ZFAT: variants seen among roughly 807,000 people sequenced by gnomAD.
ZFAT encodes zinc finger protein ZFAT.
A neutral mutation model predicts 117.7 loss-of-function variants in ZFAT; 64 were observed. The observed-to-expected ratio is 0.54, with a 90% CI of 0.44 to 0.67. The LOEUF (loss-of-function observed/expected upper bound fraction) is 0.67. Ranked by LOEUF, ZFAT falls within the 30% of genes least tolerant of loss-of-function variation. The probability of loss-of-function intolerance (pLI) is 0.00; values close to 1 mark genes in which losing one functional copy is unlikely to be tolerated. For missense variants in ZFAT, 1,433 were observed against 1,584.5 expected (o/e 0.90, Z 1.62); for synonymous variants, 679 against 615.0 (o/e 1.10, Z -1.54).
the ZFAT span, among the ~76,000 whole-genome samples, chr8:134,772,212 C>T: frequency 6.6e-6 from 1 of 152,154 alleles, no homozygotes; most frequent in South Asian, 2.1e-4. Flanking sequence ...TCACTTAAAG[C>T]TAAAAGCTAT....
the ZFAT span, among the ~76,000 whole-genome samples, chr8:134,725,402 C>T: frequency 6.6e-6 from 1 of 152,114 alleles, no homozygotes; most frequent in African/African-American, 2.4e-5. Flanking sequence ...CTGGGGAAGC[C>T]TCAGGAAACT....
At chr8:134,719,480 A>G in the ZFAT span, among the ~76,000 whole-genome samples, 1 of 152,190 alleles carries the variant, frequency 6.6e-6, no homozygotes, top group Non-Finnish European at 1.5e-5. Context: ...GCCAACATAC[A>G]GGGTGCTGTT....
In ZFAT at chr8:134,601,624, G is replaced by C. The variant is rs1219471817; in HGVS notation, c.2095C>G (p.Pro699Ala). 1.2e-6 allele frequency: 2 copies of C among 1,614,244 alleles called. No homozygotes were observed. The highest frequency in any genetic ancestry group is 3.3e-5 in the Admixed American group (2 of 60,030). The change falls in exon 6 of 16, where the codon CCT (proline) becomes GCT (alanine). Residue 699 changes from proline to alanine, a missense_variant. Around this residue, in one of 5 missense-constraint regions of ZFAT, gnomAD observed 372 missense variants for 355.6 expected, o/e 1.05. Transcript: ENST00000377838. ...TCAGGGGCAGCTTTGCAAGAGTCAG[G>C]CTGATGTGTGATGGTGTCCCCACCA... ...AGGGDTITHQ[P>A]DSCKAAPEHR...
intron 1 of ZFAT, chr8:134,696,584 T>C (rs1833854424): frequency 4.1e-6 from 4 of 986,194 alleles, no homozygotes; most frequent in Non-Finnish European, 4.8e-6. Context: ...ATCCTAGTTA[T>C]CCCTGGCTGG....
intron 13 of ZFAT, among the ~76,000 whole-genome samples, chr8:134,516,829 C>T (rs554907766): frequency 2.0e-5 from 3 of 148,944 alleles, no homozygotes; most frequent in African/African-American, 4.8e-5. Context: ...CATGGCATGC[C>T]GGCCTGGGTA....
At chr8:134,525,071 A>G (rs1820927201) in intron 12 of ZFAT, among the ~76,000 whole-genome samples, 1 of 152,214 alleles carries the variant, frequency 6.6e-6, no homozygotes, top group African/African-American at 2.4e-5. Context: ...CCTTAACCCC[A>G]GCCTTTGCTA....
the ZFAT span, among the ~76,000 whole-genome samples, chr8:134,720,720 A>G: frequency 6.6e-6 from 1 of 152,248 alleles, no homozygotes; most frequent in African/African-American, 2.4e-5. Context: ...CCCGAAGGCA[A>G]ATACTCTGTT....
chr8:134,756,189 C>T, the ZFAT span, among the ~76,000 whole-genome samples: 26 of 152,338 alleles, frequency 1.7e-4, no homozygotes, highest in African/African-American at 5.8e-4. Flanking sequence ...GTGAGCTCTG[C>T]TCTAGACCTC....
At chr8:134,594,371 AG>A (rs761766226) in intron 7 of ZFAT, among the ~76,000 whole-genome samples, 8 of 152,214 alleles carry the variant, frequency 5.3e-5, no homozygotes, top group Admixed American at 2.0e-4. Context: ...TTTCCAGAAG[AG>A]GATTGAAAGT....
chr8:134,527,342 A>T (rs1333503037), intron 12 of ZFAT, among the ~76,000 whole-genome samples: 3 of 152,222 alleles, frequency 2.0e-5, no homozygotes, highest in Non-Finnish European at 2.9e-5. Flanking sequence ...ATCCACCACG[A>T]AGTGTGTGGT....
intron 3 of ZFAT, among the ~76,000 whole-genome samples, chr8:134,616,659 T>C (rs946585758): frequency 9.9e-5 from 15 of 152,218 alleles, no homozygotes; most frequent in Non-Finnish European, 2.1e-4. Context: ...AAAAATTCCA[T>C]AGCTGTCGAT....
At chr8:134,684,412 G>T (rs1468237038) in intron 1 of ZFAT, among the ~76,000 whole-genome samples, 1 of 152,192 alleles carries the variant, frequency 6.6e-6, no homozygotes, top group African/African-American at 2.4e-5. Context: ...CATCTTACAG[G>T]AGGAAGACTT....
intron 11 of ZFAT, among the ~76,000 whole-genome samples, chr8:134,547,826 C>A (rs1203063331): frequency 1.3e-5 from 2 of 152,250 alleles, no homozygotes; most frequent in Non-Finnish European, 2.9e-5. Context: ...CTCACTGCAT[C>A]TGGTGAGTGT....
Position 134,532,929 on chromosome 8 carries a change from C to CCGCTT in ZFAT, c.3019_3020insAAGCG (p.Gly1007GlufsTer5). 6.2e-7 allele frequency: 1 copy of CCGCTT among 1,609,026 alleles called. No homozygotes were observed. The highest frequency in any genetic ancestry group is 8.5e-7 in the Non-Finnish European group (1 of 1,177,740). On this transcript the variant is annotated frameshift_variant, in exon 12 of 16. Transcript: ENST00000377838. LOFTEE classifies it high-confidence loss of function. ...CCTGTTGTAGTGCCGCTTCAGAGAG[C>CCGCTT]CAGATATGTTGCAGGAGTAATGGCA... is the stretch of plus-strand genomic sequence containing the variant.
chr8:134,688,691 G>A (rs1833453682), intron 1 of ZFAT, among the ~76,000 whole-genome samples: 1 of 152,142 alleles, frequency 6.6e-6, no homozygotes, highest in South Asian at 2.1e-4. Flanking sequence ...GACAACACTC[G>A]TTCAGGGTCC....
At chr8:134,754,312 T>C in the ZFAT span, among the ~76,000 whole-genome samples, 1 of 152,174 alleles carries the variant, frequency 6.6e-6, no homozygotes. Flanking sequence ...AAGCAGATAT[T>C]TGGCAACAGT....
At chr8:134,590,422 A>G (rs2130874639) in intron 7 of ZFAT, 67 bp from the exon 8 acceptor site, 3 of 1,338,956 alleles carry the variant, frequency 2.2e-6, no homozygotes, top group Non-Finnish European at 3.2e-6. Context: ...AAAAATAACC[A>G]TCATCATCAC....
rs77623469 is a variant in ZFAT at position 134,497,168 on chromosome 8, C to T, written c.3492+12451G>A. ...GCACCTTGCTGTCAGGCCTGGTGGG[C>T]GATGGAGAGCTTCTATTCTAAGTTT... On this transcript the variant is annotated intron_variant, in intron 15 of 15. Transcript: ENST00000377838. 5.9e-3 allele frequency among the ~76,000 whole-genome samples: 897 copies of T among 151,938 alleles called. 6 individuals carry two copies. Among genetic ancestry groups the T allele is most frequent in the African/African-American group, 0.021 (864 of 41,440 alleles).
the ZFAT span, among the ~76,000 whole-genome samples, chr8:134,779,427 C>A: frequency 6.6e-6 from 1 of 151,684 alleles, no homozygotes; most frequent in Non-Finnish European, 1.5e-5. Flanking sequence ...ACTTATTTCG[C>A]AGCTCATGTA....
Sources: gnomAD v4.1 joint callset for allele counts (sites outside exome capture counted in the v4.1 genomes callset) on GRCh38, gnomAD v4.1.1 for gene constraint, gnomAD v4.1.1 regional missense constraint, MANE v1.5 for transcripts, NCBI Gene and HGNC (gene_info 2026-07-23, HGNC 2026-07-21) for gene names.